COL2A1: variants seen among roughly 807,000 people sequenced by gnomAD.
COL2A1 encodes the protein collagen alpha-1(II) chain.
A neutral mutation model predicts 204.5 loss-of-function variants in COL2A1; 28 were observed. The ratio of observed to expected loss-of-function variants is 0.14; its 90% CI spans 0.10 to 0.19. The LOEUF (loss-of-function observed/expected upper bound fraction) is 0.19, where lower values mean the gene tolerates loss of function less well. COL2A1 is among the 10% of genes least tolerant of loss of function. COL2A1 has a pLI of 1.00. For missense variants in COL2A1, 1,388 were observed against 2,027.5 expected (o/e 0.68, Z 6.06); for synonymous variants, 708 against 718.7 (o/e 0.99, Z 0.24).
At chr12:47,993,642 G>A in intron 14 of COL2A1, 140 bp from the exon 15 acceptor site, 4 of 1,079,428 alleles carry the variant, frequency 3.7e-6, no homozygotes, top group Non-Finnish European at 5.7e-6. Flanking sequence ...AATGCCCTGA[G>A]CTCTCCAGGC....
chr12:48,003,144 T>C (rs1255585368), intron 1 of COL2A1: 2 of 152,258 alleles, frequency 1.3e-5, no homozygotes, highest in African/African-American at 4.8e-5. Flanking sequence ...CAGGCTTCGT[T>C]TGTCCTGAAT....
At position 47,985,522 on chromosome 12, in the gene COL2A1, G is replaced by T. The variant is rs1433083492; in HGVS notation, c.1734+12C>A. 2 of 1,613,558 alleles carry T rather than the reference G, an allele frequency of 1.2e-6. No individual in the cohort carries two copies. The highest frequency in any genetic ancestry group is 8.5e-7 in the Non-Finnish European group (1 of 1,179,696). ...CCCCACCCTCCTAGCAGCCCTCAGA[G>T]GATAGACTTACAGAAGGGCCAACTT... On this transcript the variant is annotated intron_variant, in intron 26 of 53. Coordinates refer to ENST00000380518, the MANE Select transcript of COL2A1 (RefSeq NM_001844.5).
At chr12:47,992,751 G>A in intron 16 of COL2A1, 127 bp downstream of exon 16, 4 of 963,146 alleles carry the variant, frequency 4.2e-6, no homozygotes, top group Middle Eastern at 4.2e-4. Flanking sequence ...GCACACTGGG[G>A]GTGAATTCTT....
chr12:47,992,977 T>C, intron 15 of COL2A1, 46 bp from the exon 16 acceptor site: 2 of 1,587,596 alleles, frequency 1.3e-6, no homozygotes, highest in Non-Finnish European at 1.7e-6. Context: ...GGCTTTACGG[T>C]GCTCAGGGTG....
rs780812733 is a variant in COL2A1 at position 47,998,368 on chromosome 12, T to C, written c.309+47A>G. ...ATAGCATTGCTTTTGAAGCAGAAAA[T>C]ATAAAGCCAAAAAAATATGAAAAAA... On this transcript the variant is annotated intron_variant, in intron 3 of 53. Transcript: ENST00000380518. 3.8e-6 allele frequency: 6 copies of C among 1,561,960 alleles called. No homozygotes were observed. The Admixed American group carries it at 1.0e-4, about 27-fold the overall frequency.
In COL2A1 at chr12:47,974,209, A is replaced by G. The variant is rs1320760282; in HGVS notation, c.4197T>C (p.Tyr1399=). ...ITYHCKNSIA[Y]LDEAAGNLKK... is the part of the protein sequence containing the mutation. ...TGAGGTTGCCAGCTGCTTCGTCCAG[A>G]TAGGCAATGCTGTTCTTGCAGTGGT... is the stretch of plus-strand genomic sequence containing the variant. Residue 1399 remains tyrosine (Y), a synonymous_variant, in exon 53 of 54, where the codon TAT becomes TAC. Coordinates refer to ENST00000380518, the MANE Select transcript of COL2A1 (RefSeq NM_001844.5). 1 of 1,614,174 alleles carries G rather than the reference A, an allele frequency of 6.2e-7. No individual in the cohort carries two copies. The highest frequency in any genetic ancestry group is 8.5e-7 in the Non-Finnish European group (1 of 1,180,038).
chr12:47,986,752 G>A, intron 22 of COL2A1, 83 bp downstream of exon 22: 3 of 1,476,684 alleles, frequency 2.0e-6, no homozygotes, highest in Non-Finnish European at 2.8e-6. Flanking sequence ...CCTGGAGGAG[G>A]GAGGTGGTGG....
At position 47,976,159 on chromosome 12, in the gene COL2A1, G is replaced by T; in HGVS notation, c.3490-89C>A. 1 of 902,818 alleles carries T rather than the reference G, an allele frequency of 1.1e-6. No homozygotes were observed. Among genetic ancestry groups the T allele is most frequent in the Non-Finnish European group, 1.9e-6 (1 of 535,020 alleles). The allele number at this position is 902,818 out of a possible 1,614,324, so 55.9% of individuals were successfully genotyped here. A position where few individuals can be genotyped will look rare whatever the true frequency, so the allele number is the denominator to read the frequency against. Reference sequence around the variant, plus strand: ...GGCTGGGTAGGTGGCTGTCCTGATAGCACCAGCCACTCCGCCCCCAGTTCT... The same window carrying T: ...GGCTGGGTAGGTGGCTGTCCTGATATCACCAGCCACTCCGCCCCCAGTTCT... On this transcript the variant is annotated intron_variant, in intron 49 of 53. Coordinates refer to ENST00000380518, the MANE Select transcript of COL2A1 (RefSeq NM_001844.5). The surrounding 1 kb of genome is among the most constrained non-coding windows in gnomAD (Gnocchi z 4.3).
At chr12:48,001,220 C>G (rs1194418382) in intron 1 of COL2A1, 1 of 151,642 alleles carries the variant, frequency 6.6e-6, no homozygotes, top group Non-Finnish European at 1.5e-5. Context: ...ATAGCAGCAG[C>G]AGGGGATGAA....
chr12:47,979,689 AG>A (rs1938930718), intron 40 of COL2A1, 125 bp from the exon 41 acceptor site: 1 of 878,680 alleles, frequency 1.1e-6, no homozygotes. Flanking sequence ...CAAAGCAGCA[AG>A]GGGGATCCAG....
At chr12:47,994,535 G>T in intron 11 of COL2A1, 58 bp from the exon 12 acceptor site, 1 of 1,579,124 alleles carries the variant, frequency 6.3e-7, no homozygotes. Flanking sequence ...CATAGTGGGG[G>T]CACCCCAGAG....
rs1185379802 is a variant in COL2A1 at position 47,992,523 on chromosome 12, G to C, written c.1023+355C>G. Among the ~76,000 whole-genome samples the C allele has an allele frequency of 8.5e-5, 13 of 152,280 alleles. No individual in the cohort carries two copies. The East Asian group carries it at 2.3e-3, about 27-fold the overall frequency. ...CCTGTTCCACTTTTCTAGGGCATTT[G>C]AGCAACCAGGAAGAACAGAGAGTAG... On this transcript the variant is annotated intron_variant, in intron 16 of 53. Coordinates refer to ENST00000380518, the MANE Select transcript of COL2A1 (RefSeq NM_001844.5).
In COL2A1 at chr12:47,976,035, A is replaced by G. The variant is rs1049543609; in HGVS notation, c.3525T>C (p.Asp1175=). The change falls in exon 50 of 54, where the codon GAT becomes GAC. Residue 1175 remains aspartate (D), a synonymous_variant. Transcript: ENST00000380518. This position sits in a 1 kb window ranked among gnomAD's most constrained non-coding sequence, Gnocchi z 4.3. ...TGGGGCCAGGGATTCCATTAGCACC[A>G]TCTTTGCCAGAGGGACCGACGGGGC... is the stretch of plus-strand genomic sequence containing the variant. ...PPGPVGPSGK[D]GANGIPGPIG... 6.2e-7 allele frequency: 1 copy of G among 1,613,970 alleles called. No homozygotes were observed. The highest frequency in any genetic ancestry group is 8.5e-7 in the Non-Finnish European group (1 of 1,179,932).
intron 16 of COL2A1, among the ~76,000 whole-genome samples, chr12:47,991,081 T>C (rs1003151342): frequency 6.6e-6 from 1 of 152,128 alleles, no homozygotes; most frequent in East Asian, 1.9e-4. Context: ...AAGAGAAAAC[T>C]TAGAAAAAAT....
rs977658383 is a variant in COL2A1 at position 47,980,006 on chromosome 12, C to T, written c.2679+3G>A. On this transcript the variant is annotated splice_donor_region_variant and intron_variant, in intron 40 of 53. Coordinates refer to ENST00000380518, the MANE Select transcript of COL2A1 (RefSeq NM_001844.5). This position sits in a 1 kb window ranked among gnomAD's most constrained non-coding sequence, Gnocchi z 4.5. ...AGGGTGGGGTGTCAGAGGCCTCACTCACCGGGGGGCCTTGGGCACCTCGGG... is the reference window on the plus strand; with the variant it reads ...AGGGTGGGGTGTCAGAGGCCTCACTTACCGGGGGGCCTTGGGCACCTCGGG... 1.9e-6 allele frequency: 3 copies of T among 1,553,460 alleles called. No homozygotes were observed. Among genetic ancestry groups the T allele is most frequent in the Non-Finnish European group, 2.6e-6 (3 of 1,148,366 alleles).
Position 47,989,271 on chromosome 12 carries a change from C to G in COL2A1, c.1079G>C (p.Gly360Ala). ...PGPAGPPGPVGPAGGPGFPGA... is the reference protein window; with the variant it reads ...PGPAGPPGPVAPAGGPGFPGA... ...AGGGAAGCCAGGACCACCAGCAGGA[C>G]CGACAGGACCCTGGAGAGAGTAGGC... Residue 360 changes from glycine to alanine, a missense_variant, in exon 18 of 54, where the codon GGT (glycine) becomes GCT (alanine). Physicochemically the swap from Gly to Ala is moderately conservative, Grantham distance 60 (BLOSUM62 0). Coordinates refer to ENST00000380518, the MANE Select transcript of COL2A1 (RefSeq NM_001844.5). The G allele has an allele frequency of 6.2e-7, 1 of 1,612,994 alleles. No homozygotes were observed. The highest frequency in any genetic ancestry group is 1.1e-5 in the South Asian group (1 of 90,512).
chr12:47,984,456 C>A (rs893209004), intron 28 of COL2A1, 90 bp downstream of exon 28: 6 of 1,376,148 alleles, frequency 4.4e-6, no homozygotes, highest in Non-Finnish European at 5.1e-6. Flanking sequence ...TGAGGGGTCC[C>A]GGGACCATGC....
rs768811866 is a variant in COL2A1 at position 47,978,888 on chromosome 12, G to C, written c.2734-130C>G. 8 of 960,076 alleles carry C rather than the reference G, an allele frequency of 8.3e-6. No homozygotes were observed. Among genetic ancestry groups the C allele is most frequent in the Admixed American group, 4.1e-5 (2 of 48,316 alleles). 59.5% of individuals were successfully genotyped at this position (960,076 alleles called of 1,614,324 possible). A position where few individuals can be genotyped will look rare whatever the true frequency, so the allele number is the denominator to read the frequency against. On this transcript the variant is annotated intron_variant, in intron 41 of 53. Coordinates refer to ENST00000380518, the MANE Select transcript of COL2A1 (RefSeq NM_001844.5). The surrounding 1 kb of genome is among the most constrained non-coding windows in gnomAD (Gnocchi z 5.5). ...TCTCTACCTCCCCACACTAAGGGCA[G>C]GCAGCTTAACCCCCCCAACCCCAAT...
Position 47,989,770 on chromosome 12 carries a change from T to C in COL2A1, c.1059A>G (p.Ala353=). The part of the protein sequence containing the change: ...ARGNDGQPGP[A]GPPGPVGPAG... Reference sequence around the variant, plus strand: ...GATGAAATGAACTTACCGGAGGCCCTGCGGGGCCTGGCTGACCATCGTTGC... The same window carrying C: ...GATGAAATGAACTTACCGGAGGCCCCGCGGGGCCTGGCTGACCATCGTTGC... The change falls in exon 17 of 54, where the codon GCA becomes GCG. Residue 353 remains alanine, a synonymous_variant. Coordinates refer to ENST00000380518, the MANE Select transcript of COL2A1 (RefSeq NM_001844.5). The C allele has an allele frequency of 6.2e-7, 1 of 1,613,484 alleles. No homozygotes were observed. The highest frequency in any genetic ancestry group is 8.5e-7 in the Non-Finnish European group (1 of 1,179,934).
Sources: gnomAD v4.1 joint callset for allele counts (sites outside exome capture counted in the v4.1 genomes callset) on GRCh38, gnomAD v4.1.1 for gene constraint, Gnocchi (gnomAD v3.1) non-coding constraint, MANE v1.5 for transcripts, NCBI Gene and HGNC (gene_info 2026-07-23, HGNC 2026-07-21) for gene names.